ST8SIA1: variants seen among roughly 807,000 people sequenced by gnomAD.
ST8SIA1 encodes alpha-N-acetylneuraminide alpha-2,8-sialyltransferase.
ST8SIA1 carries 16 observed loss-of-function variants against 35.9 expected under a neutral mutation model. That is an observed-to-expected ratio of 0.45 (90% confidence interval 0.30 to 0.68). The LOEUF is 0.68. Among genes scored for constraint, ST8SIA1 ranks in the 30% least tolerant of loss-of-function variants. ST8SIA1 has a pLI of 0.09. For synonymous variants in ST8SIA1, 170 were observed against 169.6 expected (o/e 1.00, Z -0.02); for missense variants, 383 against 453.6 (o/e 0.84, Z 1.41).
Position 22,197,174 on chromosome 12 carries a change from A to G in ST8SIA1, c.*4378T>C, listed in dbSNP as rs1353266638. Reference sequence around the variant, plus strand: ...CCCTGACGTGTGCCCAATAAAAGTCATATAACCTGAGAGTCGACCTATACG... The same window carrying G: ...CCCTGACGTGTGCCCAATAAAAGTCGTATAACCTGAGAGTCGACCTATACG... On this transcript the variant is annotated 3_prime_UTR_variant, in exon 5 of 5. Transcript: ENST00000396037. 2 of 152,232 alleles carry G rather than the reference A, an allele frequency of 1.3e-5. No individual in the cohort carries two copies. 9.4% of individuals were successfully genotyped at this position (152,232 alleles called of 1,614,324 possible).
chr12:22,318,611 G>A (rs1456380904), intron 1 of ST8SIA1, among the ~76,000 whole-genome samples: 1 of 152,168 alleles, frequency 6.6e-6, no homozygotes, highest in African/African-American at 2.4e-5. Flanking sequence ...AATCAGAGAT[G>A]TCAGGCAGAG....
intron 1 of ST8SIA1, among the ~76,000 whole-genome samples, chr12:22,308,274 G>C (rs1340893201): frequency 6.6e-6 from 1 of 152,088 alleles, no homozygotes; most frequent in Non-Finnish European, 1.5e-5. Flanking sequence ...ATAGATGCTT[G>C]TTATAGAAAA....
At chr12:22,321,003 G>GAAAGAAAGAAAGAAAGAAAGA (rs377218947) in intron 1 of ST8SIA1, among the ~76,000 whole-genome samples, 3 of 76,644 alleles carry the variant, frequency 3.9e-5, no homozygotes, top group Non-Finnish European at 8.0e-5. Flanking sequence ...AAGAAAGAAA[G>GAAAGAAAGAAAGAAAGAAAGA]AAGAAAGAAA....
chr12:22,334,170 C>G lies in ST8SIA1; in HGVS notation c.63G>C (p.Trp21Cys). The stretch of plus-strand genomic sequence containing the variant: ...TGGGCAGCCGGGTCCGCGGGAACTT[C>G]CACGCCAGTACAGCCATGGCCCCTC... ...TSRGAMAVLA[W>C]KFPRTRLPMG... The change falls in exon 1 of 5, where the codon TGG becomes TGC. Residue 21 changes from tryptophan (W) to cysteine (C), a missense_variant. Physicochemically the swap from Trp to Cys is radical, Grantham distance 215. Transcript: ENST00000396037. 1 of 1,614,050 alleles carries G rather than the reference C, an allele frequency of 6.2e-7. No homozygotes were observed. Among genetic ancestry groups the G allele is most frequent in the Non-Finnish European group, 8.5e-7 (1 of 1,179,998 alleles).
chr12:22,262,138 A>C (rs1865800071), intron 2 of ST8SIA1, among the ~76,000 whole-genome samples: 2 of 152,192 alleles, frequency 1.3e-5, no homozygotes, highest in Admixed American at 1.3e-4. Context: ...AACAAAAATT[A>C]GGATCTTTGG....
chr12:22,311,685 T>C (rs1252417435), intron 1 of ST8SIA1, among the ~76,000 whole-genome samples: 1 of 151,354 alleles, frequency 6.6e-6, no homozygotes, highest in African/African-American at 2.5e-5. Context: ...ACTATTCATG[T>C]TTTTATTTAT....
intron 1 of ST8SIA1, among the ~76,000 whole-genome samples, chr12:22,306,050 G>A (rs922040793): frequency 6.6e-6 from 1 of 152,152 alleles, no homozygotes; most frequent in Admixed American, 6.5e-5. Context: ...GAGGTTAGAA[G>A]CAAGATGGAA....
intron 4 of ST8SIA1, among the ~76,000 whole-genome samples, chr12:22,248,155 A>C (rs1482896900): frequency 6.6e-6 from 1 of 152,184 alleles, no homozygotes; most frequent in Non-Finnish European, 1.5e-5. Context: ...TATGAACCAA[A>C]ACAAGTAGTG....
At chr12:22,236,032 G>A (rs1439835027) in intron 4 of ST8SIA1, among the ~76,000 whole-genome samples, 1 of 152,088 alleles carries the variant, frequency 6.6e-6, no homozygotes, top group Non-Finnish European at 1.5e-5. Flanking sequence ...TTCAGGACAC[G>A]CACTCTCTGA....
intron 1 of ST8SIA1, among the ~76,000 whole-genome samples, chr12:22,300,868 G>A (rs1404992025): frequency 6.6e-6 from 1 of 152,078 alleles, no homozygotes; most frequent in African/African-American, 2.4e-5. Flanking sequence ...AAAGTCCAAA[G>A]TTGACATATT....
chr12:22,289,698 A>T (rs1456137778), intron 1 of ST8SIA1, among the ~76,000 whole-genome samples: 1 of 152,186 alleles, frequency 6.6e-6, no homozygotes, highest in African/African-American at 2.4e-5. Flanking sequence ...CAACAAGACC[A>T]TGGCTCTGGC....
chr12:22,242,498 G>A (rs557122878), intron 4 of ST8SIA1, among the ~76,000 whole-genome samples: 13 of 152,162 alleles, frequency 8.5e-5, no homozygotes, highest in South Asian at 2.1e-4. Context: ...TGAAAAGTCC[G>A]TACTTGGCAA....
chr12:22,249,475 C>T (rs1320643841), intron 3 of ST8SIA1, among the ~76,000 whole-genome samples: 1 of 152,164 alleles, frequency 6.6e-6, no homozygotes, highest in Non-Finnish European at 1.5e-5. Context: ...CCGCCTTGGC[C>T]TCCCAAAGTA....
At chr12:22,301,436 T>C (rs1298600621) in intron 1 of ST8SIA1, among the ~76,000 whole-genome samples, 1 of 152,142 alleles carries the variant, frequency 6.6e-6, no homozygotes, top group African/African-American at 2.4e-5. Context: ...AAACTTTTTT[T>C]TTGAGCTATT....
intron 1 of ST8SIA1, among the ~76,000 whole-genome samples, chr12:22,296,596 T>G (rs764126871): frequency 2.0e-5 from 3 of 152,174 alleles, no homozygotes; most frequent in Admixed American, 6.5e-5. Context: ...AAGAAAATAT[T>G]TCTGTTATAC....
intron 4 of ST8SIA1, among the ~76,000 whole-genome samples, chr12:22,216,340 CTT>C: frequency 6.6e-6 from 1 of 152,300 alleles, no homozygotes; most frequent in Admixed American, 6.5e-5. Context: ...CCTTCAGCCT[CTT>C]TTCTTGCCAC....
chr12:22,331,286 G>C (rs1192316830), intron 1 of ST8SIA1, among the ~76,000 whole-genome samples: 1 of 152,180 alleles, frequency 6.6e-6, no homozygotes, highest in African/African-American at 2.4e-5. Context: ...AAAGCTCTTA[G>C]AGGAGGCAAT....
intron 4 of ST8SIA1, among the ~76,000 whole-genome samples, chr12:22,206,178 T>C (rs1865107132): frequency 6.6e-6 from 1 of 152,162 alleles, no homozygotes; most frequent in Non-Finnish European, 1.5e-5. Flanking sequence ...AAATAAGTTT[T>C]TAAAAATCTA....
In ST8SIA1 at chr12:22,201,279, T is replaced by C; in HGVS notation, c.*273A>G. 1 of 347,926 alleles carries C rather than the reference T, an allele frequency of 2.9e-6. No homozygotes were observed. The highest frequency in any genetic ancestry group is 5.2e-6 in the Non-Finnish European group (1 of 194,148). The allele number at this position is 347,926 out of a possible 1,614,324, so 21.6% of individuals were successfully genotyped here. On this transcript the variant is annotated 3_prime_UTR_variant, in exon 5 of 5. Transcript: ENST00000396037. Reference sequence around the variant, plus strand: ...TTGTTTTTGAACTGCATCTTCTAGATTTGAACCATGTGCTTTACCAACAGC... The same window carrying C: ...TTGTTTTTGAACTGCATCTTCTAGACTTGAACCATGTGCTTTACCAACAGC...
Sources: allele counts gnomAD v4.1 joint callset (sites outside exome capture counted in the v4.1 genomes callset), GRCh38; gene constraint gnomAD v4.1.1; transcripts MANE v1.5; gene names NCBI Gene and HGNC (gene_info 2026-07-23, HGNC 2026-07-21).